The following MTSS1 variants were observed in gnomAD, a reference collection of about 807,000 sequenced individuals.
MTSS1 encodes the protein MTSS I-BAR domain containing 1, also known as protein MTSS 1.
MTSS1 carries 18 observed loss-of-function variants against 79.0 expected under a neutral mutation model. That is an observed-to-expected ratio of 0.23 (90% CI 0.16 to 0.34). The LOEUF is 0.34. Among genes scored for constraint, MTSS1 ranks in the 10% least tolerant of loss-of-function variants. MTSS1 has a pLI of 1.00. For missense variants in MTSS1, 815 were observed against 986.2 expected, an observed-to-expected ratio of 0.83 and a Z score of 2.33; for synonymous variants, 341 against 368.6, an observed-to-expected ratio of 0.93 and a Z score of 0.86.
intron 10 of MTSS1, among the ~76,000 whole-genome samples, chr8:124,560,187 A>C (rs1824978128): frequency 6.7e-6 from 1 of 148,224 alleles, no homozygotes; most frequent in African/African-American, 2.6e-5. Flanking sequence ...TTCCCAGTCG[A>C]GAAACTGAAC....
Position 124,552,998 on chromosome 8 carries a change from A to G in MTSS1, c.2262T>C (p.Phe754=), listed in dbSNP as rs150696567. 864 of 1,610,416 alleles carry G rather than the reference A, an allele frequency of 5.4e-4. 5 individuals carry two copies. The African/African-American group carries it at 0.01, about 19-fold the overall frequency. ...CGGCGCATTTCTTGTGAACCTAAGA[A>G]AAGCGAGGGGCTGAGCGATCGTTTG... ...TTTNDRSAPR[F]S is the part of the protein sequence containing the mutation. The change falls in exon 14 of 14, where the codon TTT becomes TTC. Residue 754 remains phenylalanine (F), a synonymous_variant. Coordinates refer to ENST00000518547, the MANE Select transcript of MTSS1 (RefSeq NM_014751.6).
At chr8:124,696,460 T>C (rs747133238) in intron 3 of MTSS1, among the ~76,000 whole-genome samples, 1 of 152,164 alleles carries the variant, frequency 6.6e-6, no homozygotes, top group African/African-American at 2.4e-5. Flanking sequence ...TTGAGAGTTC[T>C]CACACTCCCA....
chr8:124,611,627 T>C (rs373644555), intron 3 of MTSS1, among the ~76,000 whole-genome samples: 1 of 152,320 alleles, frequency 6.6e-6, no homozygotes, highest in East Asian at 1.9e-4. Context: ...ACCATCGGCA[T>C]CTTTCAGTAA....
At chr8:124,559,978 G>A (rs1824933037) in intron 10 of MTSS1, among the ~76,000 whole-genome samples, 1 of 152,108 alleles carries the variant, frequency 6.6e-6, no homozygotes, top group African/African-American at 2.4e-5. Context: ...TCCCTACAAA[G>A]GAACAGAGAT....
intron 3 of MTSS1, among the ~76,000 whole-genome samples, chr8:124,637,451 C>T (rs994083039): frequency 1.3e-5 from 2 of 152,170 alleles, no homozygotes; most frequent in Non-Finnish European, 2.9e-5. Context: ...CCAGAAGGCC[C>T]TTCTCCCACA....
intron 1 of MTSS1, among the ~76,000 whole-genome samples, chr8:124,705,270 A>G (rs901024210): frequency 3.9e-5 from 6 of 152,266 alleles, no homozygotes; most frequent in African/African-American, 1.4e-4. Context: ...CAGGAGATCG[A>G]GATCAGCCTG....
At chr8:124,665,047 AT>A (rs530518389) in intron 3 of MTSS1, among the ~76,000 whole-genome samples, 2 of 152,016 alleles carry the variant, frequency 1.3e-5, no homozygotes, top group Admixed American at 1.3e-4. Context: ...GGAAATAAGC[AT>A]TTTTTTTATC....
chr8:124,651,467 G>A (rs968701924), intron 3 of MTSS1, among the ~76,000 whole-genome samples: 5 of 151,498 alleles, frequency 3.3e-5, no homozygotes, highest in South Asian at 4.2e-4. Context: ...TTTTTGGTGG[G>A]GGGGGAGGGG....
chr8:124,555,780 G>T lies in MTSS1; in HGVS notation c.1529C>A (p.Thr510Asn), dbSNP rs1435407530. 3 of 1,613,174 alleles carry T rather than the reference G, an allele frequency of 1.9e-6. No homozygotes were observed. Among genetic ancestry groups the T allele is most frequent in the Non-Finnish European group, 2.5e-6 (3 of 1,179,632 alleles). The change falls in exon 13 of 14, where the codon ACC becomes AAC. Residue 510 changes from threonine to asparagine, a missense_variant. Around this residue, in one of 2 missense-constraint regions of MTSS1, gnomAD observed 590 missense variants for 620.8 expected, o/e 0.95. Transcript: ENST00000518547. ...GGTGTCCTCAGAGCAGCAGGGGGTGGTTGTCTGGGTGCTGTAGCCGCTGGA... is the reference window on the plus strand; with the variant it reads ...GGTGTCCTCAGAGCAGCAGGGGGTGTTTGTCTGGGTGCTGTAGCCGCTGGA... ...QCSSGYSTQT[T>N]TPCCSEDTIP...
intron 3 of MTSS1, among the ~76,000 whole-genome samples, chr8:124,675,318 G>C (rs1825076743): frequency 6.6e-6 from 1 of 152,198 alleles, no homozygotes; most frequent in Non-Finnish European, 1.5e-5. Flanking sequence ...ACTTGGCCTT[G>C]AGCAAGTTCC....
At chr8:124,706,080 G>T (rs1034480437) in intron 1 of MTSS1, among the ~76,000 whole-genome samples, 1 of 152,130 alleles carries the variant, frequency 6.6e-6, no homozygotes, top group African/African-American at 2.4e-5. Context: ...GTACAATTAA[G>T]TATATTTTTT....
intron 2 of MTSS1, among the ~76,000 whole-genome samples, chr8:124,701,745 C>A (rs1389318269): frequency 1.3e-5 from 2 of 152,202 alleles, no homozygotes; most frequent in Non-Finnish European, 2.9e-5. Flanking sequence ...AGTCATATTT[C>A]ACTGTCCGCT....
intron 3 of MTSS1, among the ~76,000 whole-genome samples, chr8:124,684,887 T>A (rs968581553): frequency 6.6e-6 from 1 of 152,184 alleles, no homozygotes; most frequent in African/African-American, 2.4e-5. Flanking sequence ...AAGTAGAAAC[T>A]CATTCCATTC....
chr8:124,603,912 G>A (rs1411753299), intron 3 of MTSS1, among the ~76,000 whole-genome samples: 1 of 152,162 alleles, frequency 6.6e-6, no homozygotes, highest in African/African-American at 2.4e-5. Context: ...CCACATGGAA[G>A]AATTGTCTTG....
chr8:124,604,044 T>C (rs540962277), intron 3 of MTSS1, among the ~76,000 whole-genome samples: 53 of 152,094 alleles, frequency 3.5e-4, no homozygotes, highest in Admixed American at 3.1e-3. Flanking sequence ...AAACCCCATC[T>C]CTACTAAAAA....
chr8:124,608,765 G>A (rs187802724), intron 3 of MTSS1, among the ~76,000 whole-genome samples: 1 of 152,324 alleles, frequency 6.6e-6, no homozygotes, highest in East Asian at 1.9e-4. Flanking sequence ...TGTGGAGGGT[G>A]CTGTGGGCAG....
chr8:124,699,670 T>A, intron 2 of MTSS1, 71 bp from the exon 3 acceptor site: 1 of 1,369,380 alleles, frequency 7.3e-7, no homozygotes, highest in Non-Finnish European at 1.0e-6. Context: ...GCTCAAGGCC[T>A]AAAACCTCTG....
chr8:124,624,446 G>C (rs1473808803), intron 3 of MTSS1, among the ~76,000 whole-genome samples: 1 of 152,126 alleles, frequency 6.6e-6, no homozygotes, highest in South Asian at 2.1e-4. Context: ...GGTTGACGAC[G>C]TGACACAGAA....
intron 6 of MTSS1, among the ~76,000 whole-genome samples, chr8:124,578,236 T>G (rs1487918938): frequency 6.6e-6 from 1 of 152,092 alleles, no homozygotes; most frequent in Non-Finnish European, 1.5e-5. Context: ...AGTCCACCCT[T>G]GGTGGGACGA....
Sources: allele counts gnomAD v4.1 joint callset (sites outside exome capture counted in the v4.1 genomes callset), GRCh38; gene constraint gnomAD v4.1.1; regional missense constraint gnomAD v4.1.1; transcripts MANE v1.5; gene names NCBI Gene and HGNC (gene_info 2026-07-23, HGNC 2026-07-21).